NDC80: variants seen among roughly 807,000 people sequenced by gnomAD.
NDC80 encodes kinetochore protein NDC80 homolog.
NDC80 carries 69 observed loss-of-function variants against 89.3 expected under a neutral mutation model. The observed-to-expected ratio is 0.77, with a 90% CI of 0.64 to 0.94. The LOEUF is 0.94. Among genes scored for constraint, NDC80 ranks in the 40% least tolerant of loss-of-function variants. The pLI is 0.00. For missense variants in NDC80, 593 were observed against 739.6 expected, an observed-to-expected ratio of 0.80 and a Z score of 2.30; for synonymous variants, 243 against 255.6, an observed-to-expected ratio of 0.95 and a Z score of 0.47.
chr18:2,575,281 T>C (rs2072540605), intron 3 of NDC80, among the ~76,000 whole-genome samples: 3 of 152,198 alleles, frequency 2.0e-5, no homozygotes, highest in South Asian at 2.1e-4. Context: ...TACAAGTAAA[T>C]AGTTGATTGA....
At chr18:2,613,701 C>T (rs1186161010) in intron 16 of NDC80, among the ~76,000 whole-genome samples, 1 of 151,958 alleles carries the variant, frequency 6.6e-6, no homozygotes. Flanking sequence ...AAATTAGACA[C>T]AAAAAGCACA....
chr18:2,603,582 T>A (rs1194887073), intron 13 of NDC80, among the ~76,000 whole-genome samples: 2 of 151,702 alleles, frequency 1.3e-5, no homozygotes, highest in Non-Finnish European at 2.9e-5. Flanking sequence ...ACATTTAACC[T>A]GAAAAGTATT....
At chr18:2,612,930 G>T (rs1382755252) in intron 16 of NDC80, among the ~76,000 whole-genome samples, 1 of 152,214 alleles carries the variant, frequency 6.6e-6, no homozygotes, top group East Asian at 1.9e-4. Flanking sequence ...TTGTTGAACA[G>T]GATCAGGCAA....
At position 2,575,007 on chromosome 18, in the gene NDC80, T is replaced by C; in HGVS notation, c.120T>C (p.Phe40=). ...YTPQTKEKPT[F]GKLSINKPTS... ...CTTAAAGCAAAGAGAAACCAACCTTTGGAAAGTTGAGTATAAACAAACCGA... is the reference window on the plus strand; with the variant it reads ...CTTAAAGCAAAGAGAAACCAACCTTCGGAAAGTTGAGTATAAACAAACCGA... The change falls in exon 3 of 17, where the codon TTT becomes TTC. Residue 40 remains phenylalanine, a synonymous_variant. Coordinates refer to ENST00000261597, the MANE Select transcript of NDC80 (RefSeq NM_006101.3). 6.2e-7 allele frequency: 1 copy of C among 1,608,928 alleles called. No homozygotes were observed. The highest frequency in any genetic ancestry group is 8.5e-7 in the Non-Finnish European group (1 of 1,177,678).
chr18:2,589,919 C>A, intron 9 of NDC80, 99 bp from the exon 10 acceptor site: 8 of 802,140 alleles, frequency 1.0e-5, no homozygotes, highest in East Asian at 4.0e-5. Flanking sequence ...CTCAAATCTA[C>A]CTTTCTCTAA....
At chr18:2,589,964 A>G in intron 9 of NDC80, 54 bp from the exon 10 acceptor site, 1 of 1,204,192 alleles carries the variant, frequency 8.3e-7, no homozygotes, top group Non-Finnish European at 1.1e-6. Flanking sequence ...ACTTTAAAAT[A>G]AAATATGGAA....
chr18:2,606,094 C>G (rs769852071), intron 13 of NDC80, among the ~76,000 whole-genome samples: 7 of 151,166 alleles, frequency 4.6e-5, no homozygotes, highest in Non-Finnish European at 7.4e-5. Flanking sequence ...GATTTCAAAT[C>G]CAGAGGCAAA....
intron 6 of NDC80, among the ~76,000 whole-genome samples, chr18:2,580,960 T>C (rs2143636137): frequency 6.6e-6 from 1 of 151,912 alleles, no homozygotes; most frequent in Non-Finnish European, 1.5e-5. Flanking sequence ...CAGGCTGGTC[T>C]CAAACTTCTG....
chr18:2,613,596 A>G (rs761461155), intron 16 of NDC80, among the ~76,000 whole-genome samples: 3 of 152,232 alleles, frequency 2.0e-5, no homozygotes, highest in South Asian at 2.1e-4. Context: ...TCAGTTCCAG[A>G]TGGATTCAGA....
At chr18:2,608,000 A>G (rs1262478850) in intron 14 of NDC80, among the ~76,000 whole-genome samples, 2 of 39,210 alleles carry the variant, frequency 5.1e-5, no homozygotes, top group African/African-American at 1.9e-4. Flanking sequence ...TATATATATA[A>G]CTTATTTAGC....
chr18:2,580,296 G>T (rs571760310), intron 6 of NDC80, among the ~76,000 whole-genome samples: 6 of 150,878 alleles, frequency 4.0e-5, no homozygotes, highest in Admixed American at 4.0e-4. Context: ...AGAGAAATTA[G>T]TTCCTCTCTA....
At chr18:2,608,213 C>CT (rs200817227) in intron 14 of NDC80, among the ~76,000 whole-genome samples, 45 of 145,106 alleles carry the variant, frequency 3.1e-4, no homozygotes, top group South Asian at 8.8e-4. Flanking sequence ...ATAAAATCAC[C>CT]TTTTTTTTTT....
intron 13 of NDC80, among the ~76,000 whole-genome samples, chr18:2,603,903 A>T (rs925494052): frequency 6.6e-6 from 1 of 152,232 alleles, no homozygotes; most frequent in African/African-American, 2.4e-5. Context: ...CATGTAAATT[A>T]TCATAGAGCA....
chr18:2,596,883 G>A (rs566288631), intron 11 of NDC80, among the ~76,000 whole-genome samples: 1 of 151,668 alleles, frequency 6.6e-6, no homozygotes, highest in Admixed American at 6.6e-5. Flanking sequence ...GTAGGGACAT[G>A]GATGAAATTG....
At chr18:2,581,387 A>C (rs1310169684) in intron 6 of NDC80, among the ~76,000 whole-genome samples, 1 of 152,204 alleles carries the variant, frequency 6.6e-6, no homozygotes, top group Non-Finnish European at 1.5e-5. Flanking sequence ...TTGGTCGGGC[A>C]CTGTGGCTCA....
At chr18:2,575,297 C>T (rs2072540667) in intron 3 of NDC80, among the ~76,000 whole-genome samples, 1 of 152,206 alleles carries the variant, frequency 6.6e-6, no homozygotes, top group Admixed American at 6.5e-5. Flanking sequence ...ATTGAAAATT[C>T]TATACCTAGC....
chr18:2,598,748 G>A (rs2072669786), intron 11 of NDC80, among the ~76,000 whole-genome samples: 1 of 152,012 alleles, frequency 6.6e-6, no homozygotes, highest in African/African-American at 2.4e-5. Context: ...TCTAAATATG[G>A]ACTCTTATTC....
At chr18:2,588,888 A>G (rs368004757) in intron 8 of NDC80, among the ~76,000 whole-genome samples, 1 of 152,202 alleles carries the variant, frequency 6.6e-6, no homozygotes, top group Admixed American at 6.5e-5. Flanking sequence ...CTGAGGATAC[A>G]GTAATGAATA....
intron 1 of NDC80, among the ~76,000 whole-genome samples, chr18:2,571,984 A>G (rs1457689689): frequency 6.6e-6 from 1 of 152,196 alleles, no homozygotes; most frequent in Non-Finnish European, 1.5e-5. Context: ...TGGACAAGAG[A>G]GGACTCGTTG....
Sources: gnomAD v4.1 joint callset for allele counts (sites outside exome capture counted in the v4.1 genomes callset) on GRCh38, gnomAD v4.1.1 for gene constraint, MANE v1.5 for transcripts, NCBI Gene and HGNC (gene_info 2026-07-23, HGNC 2026-07-21) for gene names.